TEK: variants seen among roughly 807,000 people sequenced by gnomAD.
TEK encodes the protein angiopoietin-1 receptor.
Under a neutral mutation model 131.8 loss-of-function variants are expected in TEK, and 43 were observed. The ratio of observed to expected loss-of-function variants is 0.33; its 90% CI spans 0.26 to 0.42. The LOEUF (loss-of-function observed/expected upper bound fraction) is 0.42. Among genes scored for constraint, TEK ranks in the 10% least tolerant of loss-of-function variants. TEK has a pLI of 1.00. For synonymous variants in TEK, 580 were observed against 491.6 expected, an observed-to-expected ratio of 1.18 and a Z score of -2.38; for missense variants, 1,162 against 1,384.4, an observed-to-expected ratio of 0.84 and a Z score of 2.55.
At chr9:27,127,196 T>A (rs1314075581) in intron 1 of TEK, among the ~76,000 whole-genome samples, 2 of 152,194 alleles carry the variant, frequency 1.3e-5, no homozygotes, top group Non-Finnish European at 2.9e-5. Flanking sequence ...TTCTCATTGT[T>A]CAGCTCCCGT....
Position 27,169,496 on chromosome 9 carries a change from G to A in TEK, c.495G>A (p.Val165=), listed in dbSNP as rs745866045. Residue 165 remains valine (V), a synonymous_variant, in exon 4 of 23, where the codon GTG becomes GTA. Coordinates refer to ENST00000380036, the MANE Select transcript of TEK (RefSeq NM_000459.5). The part of the protein sequence containing the change: ...IYKNGSFIHS[V]PRHEVPDILE... ...TACTAGGTTCCTTCATCCATTCAGT[G>A]CCCCGGCATGAAGTACCTGATATTC... 1.9e-5 allele frequency: 31 copies of A among 1,614,022 alleles called. No homozygotes were observed. Among genetic ancestry groups the A allele is most frequent in the Non-Finnish European group, 2.6e-5 (31 of 1,179,932 alleles).
intron 1 of TEK, among the ~76,000 whole-genome samples, chr9:27,144,989 T>G (rs2131093376): frequency 6.6e-6 from 1 of 152,316 alleles, no homozygotes; most frequent in East Asian, 1.9e-4. Context: ...ATATCGACTG[T>G]GCACACACTT....
rs574575353 is a variant in TEK, at chr9:27,213,278, C to T, written c.2878-206C>T. 2.0e-5 allele frequency among the ~76,000 whole-genome samples: 3 copies of T among 152,126 alleles called. No homozygotes were observed. The East Asian group carries it at 5.8e-4, about 29-fold the overall frequency. ...TAACAACCTGTGTTTTTTATTTGTTCGTTTTCTGAAATTCTTCTGCCAAGA... is the reference window on the plus strand; with the variant it reads ...TAACAACCTGTGTTTTTTATTTGTTTGTTTTCTGAAATTCTTCTGCCAAGA... On this transcript the variant is annotated intron_variant, in intron 17 of 22. Transcript: ENST00000380036.
intron 1 of TEK, among the ~76,000 whole-genome samples, chr9:27,115,435 G>A (rs960899486): frequency 3.9e-5 from 6 of 152,084 alleles, no homozygotes; most frequent in African/African-American, 1.4e-4. Context: ...GGAGGTCAAG[G>A]CTGCAGTGAG....
intron 10 of TEK, chr9:27,191,814 G>T (rs1824833826): frequency 1.3e-5 from 5 of 397,504 alleles, no homozygotes; most frequent in South Asian, 9.6e-5. Flanking sequence ...CATCACCTTT[G>T]TCTACAAGTG....
At chr9:27,217,886 GAAAT>G (rs1021435092) in intron 19 of TEK, 128 bp downstream of exon 19, 1 of 830,918 alleles carries the variant, frequency 1.2e-6, no homozygotes, top group Non-Finnish European at 2.0e-6. Flanking sequence ...AAAAGCTCAG[GAAAT>G]AAATTAGCAG....
chr9:27,192,507 C>A lies in TEK; in HGVS notation c.1508C>A (p.Thr503Lys), dbSNP rs748262199. 4 of 1,613,528 alleles carry A rather than the reference C, an allele frequency of 2.5e-6. No homozygotes were observed. Among genetic ancestry groups the A allele is most frequent in the Admixed American group, 3.3e-5 (2 of 59,986 alleles). Residue 503 changes from threonine to lysine, a missense_variant, in exon 11 of 23, where the codon ACA (threonine) becomes AAA (lysine). Physicochemically the swap from Thr to Lys is moderately conservative, Grantham distance 78 (BLOSUM62 -1). Around this residue, in one of 6 missense-constraint regions of TEK, gnomAD observed 477 missense variants for 471.0 expected, o/e 1.01. Transcript: ENST00000380036. ...TTCTCAGTGACAAATGAGATTGTTA[C>A]ACTCAACTATTTGGAACCTCGGACA... ...QHIQVTNEIV[T>K]LNYLEPRTEY... is the part of the protein sequence containing the mutation.
rs1292675757 is a variant in TEK at position 27,195,467 on chromosome 9, T to C, written c.1625-1848T>C. 4.6e-5 allele frequency among the ~76,000 whole-genome samples: 7 copies of C among 152,334 alleles called. No homozygotes were observed. The East Asian group carries it at 7.7e-4, about 17-fold the overall frequency. On this transcript the variant is annotated intron_variant, in intron 11 of 22. Transcript: ENST00000380036. The stretch of plus-strand genomic sequence containing the variant: ...ATGCTCTATATCTGTTTCTGTATTA[T>C]GGTCCTCTGTAAACAATTGTAGTAA...
chr9:27,159,526 C>T (rs1210392158), intron 2 of TEK, among the ~76,000 whole-genome samples: 2 of 152,098 alleles, frequency 1.3e-5, no homozygotes, highest in African/African-American at 2.4e-5. Context: ...CAGTCGAGTA[C>T]CCAGGTCCAG....
chr9:27,173,737 G>GTTTTTTTTTTT (rs35971876), intron 6 of TEK, among the ~76,000 whole-genome samples: 1 of 93,982 alleles, frequency 1.1e-5, no homozygotes. Flanking sequence ...TTTTTTTTTG[G>GTTTTTTTTTTT]TTTTTTTTTT....
chr9:27,125,480 C>T lies in TEK; in HGVS notation c.52+15838C>T, dbSNP rs186899252. On this transcript the variant is annotated intron_variant, in intron 1 of 22. Transcript: ENST00000380036. ...GGCCCCCTTTTTCTCTCCTAGAGATCTTTCTAATGAAACTCATGGCTTATA... is the reference window on the plus strand; with the variant it reads ...GGCCCCCTTTTTCTCTCCTAGAGATTTTTCTAATGAAACTCATGGCTTATA... Among the ~76,000 whole-genome samples the T allele has an allele frequency of 2.5e-3, 386 of 152,278 alleles. 2 individuals carry two copies. The highest frequency in any genetic ancestry group is 9.0e-3 in the African/African-American group (376 of 41,560).
At chr9:27,121,892 G>A (rs1821805793) in intron 1 of TEK, among the ~76,000 whole-genome samples, 1 of 152,174 alleles carries the variant, frequency 6.6e-6, no homozygotes, top group South Asian at 2.1e-4. Context: ...TTTTGGGCGT[G>A]TAATTAATGC....
At chr9:27,133,411 G>A (rs542232624) in intron 1 of TEK, among the ~76,000 whole-genome samples, 3 of 152,274 alleles carry the variant, frequency 2.0e-5, no homozygotes, top group East Asian at 1.9e-4. Flanking sequence ...TTTTCCTTAT[G>A]AGCCTTAAGA....
At chr9:27,151,978 G>A (rs981180336) in intron 1 of TEK, among the ~76,000 whole-genome samples, 3 of 152,206 alleles carry the variant, frequency 2.0e-5, no homozygotes, top group Non-Finnish European at 4.4e-5. Flanking sequence ...CTTAATTCCA[G>A]AAATGCTTTT....
intron 1 of TEK, among the ~76,000 whole-genome samples, chr9:27,116,583 A>T (rs993716662): frequency 6.6e-6 from 1 of 151,842 alleles, no homozygotes; most frequent in African/African-American, 2.4e-5. Context: ...GCACCTGGCC[A>T]TAAAGGAAGA....
intron 6 of TEK, among the ~76,000 whole-genome samples, chr9:27,176,423 T>C (rs1210988318): frequency 2.6e-5 from 4 of 152,210 alleles, no homozygotes; most frequent in African/African-American, 9.6e-5. Flanking sequence ...TATTTTAAGG[T>C]CTTCTGCCAT....
chr9:27,220,865 A>T (rs1826037868), intron 21 of TEK, among the ~76,000 whole-genome samples: 1 of 152,218 alleles, frequency 6.6e-6, no homozygotes, highest in African/African-American at 2.4e-5. Flanking sequence ...ATTTCGGCAG[A>T]CACCAAGCTA....
intron 4 of TEK, 113 bp downstream of exon 4, chr9:27,169,742 G>A (rs1240019419): frequency 7.0e-7 from 1 of 1,428,474 alleles, no homozygotes; most frequent in Non-Finnish European, 9.7e-7. Context: ...CCAGGCATTG[G>A]TTGGAGGTTG....
chr9:27,219,446 A>C (rs1432639702), intron 20 of TEK, among the ~76,000 whole-genome samples: 1 of 152,144 alleles, frequency 6.6e-6, no homozygotes, highest in East Asian at 1.9e-4. Flanking sequence ...ATGGGAACAC[A>C]TGGACACAGG....
Sources: gnomAD v4.1 joint callset for allele counts (sites outside exome capture counted in the v4.1 genomes callset) on GRCh38, gnomAD v4.1.1 for gene constraint, gnomAD v4.1.1 regional missense constraint, MANE v1.5 for transcripts, NCBI Gene and HGNC (gene_info 2026-07-23, HGNC 2026-07-21) for gene names.